DOK7: variants seen among roughly 807,000 people sequenced by gnomAD.
The protein encoded by DOK7 is docking protein 7.
DOK7 carries 32 observed loss-of-function variants against 30.7 expected under a neutral mutation model. The ratio of observed to expected loss-of-function variants is 1.04; its 90% confidence interval spans 0.79 to 1.40. The LOEUF is 1.40. Ranked by LOEUF, DOK7 falls within the 40% of genes most tolerant of loss-of-function variation. DOK7 has a pLI of 0.00. For synonymous variants in DOK7, 447 were observed against 324.1 expected (o/e 1.38, Z -4.07); for missense variants, 1,007 against 699.2 (o/e 1.44, Z -4.97).
intron 4 of DOK7, among the ~76,000 whole-genome samples, chr4:3,484,051 C>T (rs956210999): frequency 1.3e-5 from 2 of 152,194 alleles, no homozygotes; most frequent in Non-Finnish European, 2.9e-5. Context: ...GAAGCTCTAT[C>T]GGGCCAGAAG....
rs759090223 is a variant in DOK7 at position 3,493,537 on chromosome 4, T to G, written c.*36T>G. On this transcript the variant is annotated 3_prime_UTR_variant, in exon 7 of 7. Coordinates refer to ENST00000340083, the MANE Select transcript of DOK7 (RefSeq NM_173660.5). ...TCCCGCCCCGCGGCTGCAAAGGGGC[T>G]GAATTTGCCCCCAGATGGCAGAGGA... 7.7e-5 allele frequency: 124 copies of G among 1,602,980 alleles called. No individual in the cohort carries two copies. Among genetic ancestry groups the G allele is most frequent in the Admixed American group, 1.7e-4 (10 of 59,292 alleles).
chr4:3,490,007 C>T (rs1728102942), intron 6 of DOK7, among the ~76,000 whole-genome samples: 1 of 120,736 alleles, frequency 8.3e-6, no homozygotes, highest in South Asian at 3.3e-4. Flanking sequence ...TCATTCCTTC[C>T]TTCTCCTCCT....
At chr4:3,474,115 C>T (rs1028982322) in intron 3 of DOK7, among the ~76,000 whole-genome samples, 2 of 152,120 alleles carry the variant, frequency 1.3e-5, no homozygotes, top group Admixed American at 1.3e-4. Context: ...AGAGGTGGAA[C>T]GTCAGTCCCA....
At chr4:3,481,976 G>A (rs1041865480) in intron 4 of DOK7, among the ~76,000 whole-genome samples, 1 of 151,960 alleles carries the variant, frequency 6.6e-6, no homozygotes, top group Non-Finnish European at 1.5e-5. Context: ...AGTTGGCGCC[G>A]CCCTGAGCCC....
At chr4:3,490,340 C>T (rs1460305295) in intron 6 of DOK7, among the ~76,000 whole-genome samples, 3 of 119,192 alleles carry the variant, frequency 2.5e-5, no homozygotes, top group Non-Finnish European at 5.2e-5. Context: ...CCATTCATTC[C>T]TTCCTTTTCC....
intron 6 of DOK7, among the ~76,000 whole-genome samples, chr4:3,492,536 G>C: frequency 6.6e-6 from 1 of 152,148 alleles, no homozygotes; most frequent in Non-Finnish European, 1.5e-5. Flanking sequence ...TAGGAGAACA[G>C]GTGGCAGAAG....
intron 4 of DOK7, among the ~76,000 whole-genome samples, chr4:3,481,083 GC>G (rs1727416910): frequency 6.6e-6 from 1 of 151,962 alleles, no homozygotes; most frequent in South Asian, 2.1e-4. Context: ...CTGTGTAGGA[GC>G]CCTGTTGGGG....
At position 3,473,448 on chromosome 4, in the gene DOK7, T is replaced by C. The variant is rs147359949; in HGVS notation, c.143T>C (p.Ile48Thr). ...MLVYKDKSER[I>T]KGLRERSSLT... ...GTCTACAAGGACAAGTCGGAGCGTATCAAGGGCCTGCGGGAGCGCAGCAGC... is the reference window on the plus strand; with the variant it reads ...GTCTACAAGGACAAGTCGGAGCGTACCAAGGGCCTGCGGGAGCGCAGCAGC... Residue 48 changes from isoleucine to threonine, a missense_variant, in exon 3 of 7, where the codon ATC (isoleucine) becomes ACC (threonine). Coordinates refer to ENST00000340083, the MANE Select transcript of DOK7 (RefSeq NM_173660.5). 82 of 1,611,054 alleles carry C rather than the reference T, an allele frequency of 5.1e-5. No individual in the cohort carries two copies. In the East Asian group the frequency reaches 1.8e-3, roughly 35 times the overall value.
Position 3,476,603 on chromosome 4 carries a change from T to C in DOK7, c.532+61T>C, listed in dbSNP as rs141667136. Reference sequence around the variant, plus strand: ...AGCACCCCCCACTTCCCCTGAGAACTGCTGGCTTCGGGCCGGCCGACCCCA... The same window carrying C: ...AGCACCCCCCACTTCCCCTGAGAACCGCTGGCTTCGGGCCGGCCGACCCCA... On this transcript the variant is annotated intron_variant, in intron 4 of 6. Coordinates refer to ENST00000340083, the MANE Select transcript of DOK7 (RefSeq NM_173660.5). 1,708 of 1,605,138 alleles carry C rather than the reference T, an allele frequency of 1.1e-3. 19 individuals are homozygous for C. In the African/African-American group the frequency reaches 0.019, roughly 18 times the overall value.
chr4:3,464,455 G>T (rs1456135530), intron 2 of DOK7, among the ~76,000 whole-genome samples: 1 of 152,222 alleles, frequency 6.6e-6, no homozygotes. Flanking sequence ...AGCCCTCCGT[G>T]CCCAGACCTC....
At chr4:3,497,382 G>A (rs920718045), downstream of DOK7, among the ~76,000 whole-genome samples, 3 of 152,018 alleles carry the variant, frequency 2.0e-5, no homozygotes, top group Non-Finnish European at 4.4e-5. Context: ...GCCCTGGCAG[G>A]TGCAGTTTTG....
In DOK7 at chr4:3,492,765, A is replaced by G. The variant is rs1728569934; in HGVS notation, c.779A>G (p.Asp260Gly). The G allele has an allele frequency of 9.3e-6, 15 of 1,612,434 alleles. No homozygotes were observed. Among genetic ancestry groups the G allele is most frequent in the Non-Finnish European group, 1.3e-5 (15 of 1,179,984 alleles). ...HAGRPGSGGD[D>G]RSLSSSSSEA... ...GCTTCCTGCTCTGTCTCAGGGGATG[A>G]CCGCAGCCTGTCCAGCTCATCCTCA... The change falls in exon 7 of 7, where the codon GAC (aspartate) becomes GGC (glycine). Residue 260 changes from aspartate to glycine, a missense_variant. Coordinates refer to ENST00000340083, the MANE Select transcript of DOK7 (RefSeq NM_173660.5).
chr4:3,493,384 GCCTGGC>G lies in DOK7; in HGVS notation c.1403_1408del (p.Gly468_Pro469del), dbSNP rs762148551. ...CCCCCCAGGGCAGCGAGGCCACACT[GCCTGGC>G]CCTGCCCCTGGCGAGCCCTGGGAAG... On this transcript the variant is annotated inframe_deletion, in exon 7 of 7. Coordinates refer to ENST00000340083, the MANE Select transcript of DOK7 (RefSeq NM_173660.5). The G allele has an allele frequency of 8.6e-5, 137 of 1,594,258 alleles. No individual in the cohort carries two copies. The highest frequency in any genetic ancestry group is 3.4e-4 in the Middle Eastern group (2 of 5,958).
rs370803353 is a variant in DOK7, at chr4:3,477,586, G to A, written c.532+1044G>A. ...CTTGTGGCAGGAGCCAGCCCTGTTG[G>A]GGCCTTTGAGGAGACGACATCTGAC... is the stretch of plus-strand genomic sequence containing the variant. On this transcript the variant is annotated intron_variant, in intron 4 of 6. Transcript: ENST00000340083. Among the ~76,000 whole-genome samples the A allele has an allele frequency of 8.5e-5, 13 of 152,388 alleles. No individual in the cohort carries two copies. The East Asian group carries it at 1.9e-3, about 23-fold the overall frequency.
At chr4:3,496,912 G>A (rs1284840349), downstream of DOK7, 1 of 1,508,028 alleles carries the variant, frequency 6.6e-7, no homozygotes, top group South Asian at 1.2e-5. Flanking sequence ...GAAGGCGGGA[G>A]TCTGGGTGGG....
chr4:3,477,687 G>A (rs73793920), intron 4 of DOK7, among the ~76,000 whole-genome samples: 1,897 of 152,308 alleles, frequency 0.012, 39 homozygotes, highest in African/African-American at 0.041. Flanking sequence ...CAGGAGGCAC[G>A]TGCGGCAGAG....
chr4:3,500,153 G>C, intron 6 of DOK7: 1 of 1,399,724 alleles, frequency 7.1e-7, no homozygotes, highest in Non-Finnish European at 9.6e-7. Context: ...GAGTGGGGAG[G>C]AGGGGCTAGG....
chr4:3,479,096 G>C (rs897979452), intron 4 of DOK7, among the ~76,000 whole-genome samples: 3 of 152,188 alleles, frequency 2.0e-5, no homozygotes, highest in Non-Finnish European at 4.4e-5. Flanking sequence ...CCCAAATCAA[G>C]GGGTCCTCAG....
intron 6 of DOK7, among the ~76,000 whole-genome samples, chr4:3,491,291 C>T (rs549469000): frequency 7.5e-6 from 1 of 133,642 alleles, no homozygotes; most frequent in East Asian, 2.3e-4. Flanking sequence ...TCCTCCGCCC[C>T]CCCGCTCATT....
Sources: allele counts gnomAD v4.1 joint callset (sites outside exome capture counted in the v4.1 genomes callset), GRCh38; gene constraint gnomAD v4.1.1; transcripts MANE v1.5; gene names NCBI Gene and HGNC (gene_info 2026-07-23, HGNC 2026-07-21).